DNAJC6: variants seen among roughly 807,000 people sequenced by gnomAD.
DNAJC6 encodes the protein DnaJ heat shock protein family (Hsp40) member C6, also known as auxilin.
Under a neutral mutation model 110.0 loss-of-function variants are expected in DNAJC6, and 34 were observed. The observed-to-expected ratio is 0.31, with a 90% CI of 0.24 to 0.41. The LOEUF (loss-of-function observed/expected upper bound fraction) is 0.41. Among genes scored for constraint, DNAJC6 ranks in the 10% least tolerant of loss-of-function variants. DNAJC6 has a pLI of 1.00. For missense variants in DNAJC6, 1,031 were observed against 1,207.8 expected, an observed-to-expected ratio of 0.85 and a Z score of 2.17; for synonymous variants, 406 against 437.2, an observed-to-expected ratio of 0.93 and a Z score of 0.89.
intron 1 of DNAJC6, among the ~76,000 whole-genome samples, chr1:65,351,891 A>G (rs1315147882): frequency 6.6e-6 from 1 of 151,980 alleles, no homozygotes; most frequent in African/African-American, 2.4e-5. Flanking sequence ...CAGCCTCCCA[A>G]GTAGCTGGGA....
rs1216664971 is a variant in DNAJC6, at chr1:65,349,000, ATATATATAAG to A, written c.194-15629_194-15620del. Among the ~76,000 whole-genome samples the A allele has an allele frequency of 2.2e-4, 32 of 145,710 alleles. No individual in the cohort carries two copies. In the South Asian group the frequency reaches 2.3e-3, roughly 11 times the overall value. On this transcript the variant is annotated intron_variant, in intron 1 of 18. Coordinates refer to ENST00000371069, the MANE Select transcript of DNAJC6 (RefSeq NM_001256864.2). ...TGTAAATATATAAATATATATGTAA[ATATATATAAG>A]TATATGTGAATACATATAAATATAT...
intron 1 of DNAJC6, among the ~76,000 whole-genome samples, chr1:65,276,392 G>A (rs1171872706): frequency 1.3e-5 from 2 of 152,124 alleles, no homozygotes; most frequent in Non-Finnish European, 2.9e-5. Context: ...GTATGAAGAT[G>A]CTCTGGATGA....
At chr1:65,392,993 C>G in intron 12 of DNAJC6, 128 bp downstream of exon 12, 2 of 834,654 alleles carry the variant, frequency 2.4e-6, no homozygotes, top group Non-Finnish European at 3.3e-6. Flanking sequence ...TAGAGGAGGT[C>G]TGTATCTTTA....
chr1:65,399,173 G>A (rs1646007402), intron 14 of DNAJC6, among the ~76,000 whole-genome samples: 1 of 152,066 alleles, frequency 6.6e-6, no homozygotes, highest in Non-Finnish European at 1.5e-5. Context: ...GAAACTCTTG[G>A]GTTTTTTTGG....
chr1:65,371,223 G>A (rs1400634117), intron 4 of DNAJC6, among the ~76,000 whole-genome samples: 1 of 152,130 alleles, frequency 6.6e-6, no homozygotes, highest in Non-Finnish European at 1.5e-5. Flanking sequence ...AAACTGAGAT[G>A]AAGCCATATA....
intron 1 of DNAJC6, among the ~76,000 whole-genome samples, chr1:65,269,753 T>A (rs1472071413): frequency 6.6e-6 from 1 of 152,138 alleles, no homozygotes; most frequent in African/African-American, 2.4e-5. Context: ...TAGAGACTGG[T>A]CTATGCCAGT....
chr1:65,379,924 T>C (rs1437343524), intron 5 of DNAJC6: 1 of 154,004 alleles, frequency 6.5e-6, no homozygotes. Context: ...AAGATACCTA[T>C]GTCCTTGTAA....
chr1:65,323,088 T>C (rs1011949465), intron 1 of DNAJC6, among the ~76,000 whole-genome samples: 31 of 152,162 alleles, frequency 2.0e-4, no homozygotes, highest in Admixed American at 9.8e-4. Flanking sequence ...AGCATTGGAG[T>C]TGGAGCCAGT....
At chr1:65,302,660 C>T (rs1487783840) in intron 1 of DNAJC6, among the ~76,000 whole-genome samples, 4 of 150,528 alleles carry the variant, frequency 2.7e-5, no homozygotes, top group East Asian at 1.9e-4. Context: ...CTCAGCCTCC[C>T]GAGTAGCTGG....
chr1:65,316,747 G>A (rs1306839085), intron 1 of DNAJC6, among the ~76,000 whole-genome samples: 12 of 152,186 alleles, frequency 7.9e-5, no homozygotes. Context: ...GACCAATTCA[G>A]TAATGAGCAT....
At chr1:65,362,612 G>A (rs1645608577) in intron 1 of DNAJC6, among the ~76,000 whole-genome samples, 1 of 152,174 alleles carries the variant, frequency 6.6e-6, no homozygotes, top group African/African-American at 2.4e-5. Flanking sequence ...TATGGAGTAG[G>A]CACAATTTTT....
At chr1:65,329,784 C>T (rs1645271410) in intron 1 of DNAJC6, among the ~76,000 whole-genome samples, 1 of 152,144 alleles carries the variant, frequency 6.6e-6, no homozygotes, top group Non-Finnish European at 1.5e-5. Context: ...TGACTGAACC[C>T]TCTAGTTAGG....
intron 18 of DNAJC6, 49 bp from the exon 19 acceptor site, chr1:65,412,875 T>G: frequency 2.0e-5 from 29 of 1,472,572 alleles, no homozygotes; most frequent in Non-Finnish European, 2.3e-5. Flanking sequence ...TTAATATTAA[T>G]GAAATTTTGG....
intron 11 of DNAJC6, 67 bp from the exon 12 acceptor site, chr1:65,392,364 A>G (rs1645936116): frequency 1.4e-6 from 2 of 1,406,068 alleles, no homozygotes; most frequent in South Asian, 1.5e-5. Context: ...ATATACATAT[A>G]TTATAACAAA....
rs544500900 is a variant in DNAJC6, at chr1:65,302,468, C to T, written c.-131+37536C>T. Reference sequence around the variant, plus strand: ...TTAATGCCATTACTATGGGAGTGCACTCTTGATTAAAGGGAGTTTGCCTCC... The same window carrying T: ...TTAATGCCATTACTATGGGAGTGCATTCTTGATTAAAGGGAGTTTGCCTCC... On this transcript the variant is annotated intron_variant, in intron 1 of 19. Coordinates refer to the DNAJC6 transcript ENST00000263441. Among the ~76,000 whole-genome samples, 8 of 147,844 alleles carry T rather than the reference C, an allele frequency of 5.4e-5. No individual in the cohort carries two copies. In the East Asian group the frequency reaches 1.6e-3, roughly 29 times the overall value.
intron 1 of DNAJC6, among the ~76,000 whole-genome samples, chr1:65,332,616 T>C (rs1004393054): frequency 2.0e-5 from 3 of 152,242 alleles, no homozygotes; most frequent in African/African-American, 7.2e-5. Context: ...TTGTCAAATA[T>C]ACTTTGCTTA....
At chr1:65,271,870 CAAAA>C (rs61066958) in intron 1 of DNAJC6, among the ~76,000 whole-genome samples, 3 of 133,222 alleles carry the variant, frequency 2.3e-5, no homozygotes, top group Admixed American at 7.4e-5. Flanking sequence ...GACTCCATCT[CAAAA>C]AAAAAAAAAA....
At chr1:65,356,881 A>C (rs1645549124) in intron 1 of DNAJC6, among the ~76,000 whole-genome samples, 1 of 152,188 alleles carries the variant, frequency 6.6e-6, no homozygotes, top group African/African-American at 2.4e-5. Context: ...CATTTCCTCA[A>C]AGCTTCCCTG....
intron 7 of DNAJC6, 32 bp downstream of exon 7, chr1:65,385,938 A>G (rs765768060): frequency 6.5e-7 from 1 of 1,536,550 alleles, no homozygotes; most frequent in Non-Finnish European, 8.9e-7. Context: ...CTTCCTATGT[A>G]CTTCTCAATT....
Sources: allele counts gnomAD v4.1 joint callset (sites outside exome capture counted in the v4.1 genomes callset), GRCh38; gene constraint gnomAD v4.1.1; transcripts MANE v1.5; gene names NCBI Gene and HGNC (gene_info 2026-07-23, HGNC 2026-07-21).